Variants in CHD2 observed in about 807,000 individuals in gnomAD.
CHD2 encodes the protein chromodomain helicase DNA binding protein 2.
CHD2 carries 28 observed loss-of-function variants against 243.9 expected under a neutral mutation model. The ratio of observed to expected loss-of-function variants is 0.11; its 90% confidence interval spans 0.09 to 0.16. CHD2 has a LOEUF of 0.16. CHD2 is among the 10% of genes least tolerant of loss of function. CHD2 has a pLI of 1.00. For missense variants in CHD2, 1,386 were observed against 2,209.8 expected (o/e 0.63, Z 7.47); for synonymous variants, 775 against 779.0 (o/e 0.99, Z 0.09).
intron 20 of CHD2, among the ~76,000 whole-genome samples, chr15:92,975,448 C>T (rs1348155131): frequency 6.6e-6 from 1 of 152,098 alleles, no homozygotes; most frequent in Admixed American, 6.5e-5. Flanking sequence ...TTGGGGGGCA[C>T]ATATAGAAGA....
At chr15:92,999,837 A>G (rs951489758) in intron 31 of CHD2, among the ~76,000 whole-genome samples, 6 of 152,168 alleles carry the variant, frequency 3.9e-5, no homozygotes, top group African/African-American at 1.4e-4. Context: ...AGGTTTTTTA[A>G]TGTTACTATT....
At chr15:92,963,092 C>T (rs1183340137) in intron 16 of CHD2, among the ~76,000 whole-genome samples, 1 of 152,194 alleles carries the variant, frequency 6.6e-6, no homozygotes, top group African/African-American at 2.4e-5. Flanking sequence ...GTCTTATAGA[C>T]AACCTGTACT....
At chr15:92,945,738 A>G in intron 10 of CHD2, 83 bp from the exon 11 acceptor site, 2 of 849,366 alleles carry the variant, frequency 2.4e-6, no homozygotes, top group South Asian at 4.0e-5. Context: ...AGTAGAATAT[A>G]TTTACATTTT....
intron 2 of CHD2, 69 bp from the exon 3 acceptor site, chr15:92,924,252 A>G: frequency 7.2e-7 from 1 of 1,383,298 alleles, no homozygotes; most frequent in Non-Finnish European, 1.0e-6. Flanking sequence ...TACCATGAGA[A>G]TTTTTTTTTA....
chr15:93,017,571 T>C (rs66726419), intron 37 of CHD2, among the ~76,000 whole-genome samples: 25,485 of 144,510 alleles, frequency 0.18, 2,883 homozygotes, highest in Non-Finnish European at 0.25. Flanking sequence ...GGTCTTGAAC[T>C]CCTGACCTCA....
chr15:92,994,904 T>TCCTGTAATAGAGGTGTGAGGAAATA (rs1257173160), intron 28 of CHD2, among the ~76,000 whole-genome samples: 3 of 152,220 alleles, frequency 2.0e-5, no homozygotes, highest in Non-Finnish European at 4.4e-5. Context: ...CACCTGTATT[T>TCCTGTAATAGAGGTGTGAGGAAATA]CCTGTAAACT....
At chr15:92,961,574 A>C (rs571787381) in intron 16 of CHD2, among the ~76,000 whole-genome samples, 10 of 151,820 alleles carry the variant, frequency 6.6e-5, no homozygotes, top group African/African-American at 2.4e-4. Flanking sequence ...TAATTTTTAA[A>C]ATTTATTTTT....
intron 16 of CHD2, among the ~76,000 whole-genome samples, chr15:92,965,565 CAAAAAAAAAAAA>C (rs61447848): frequency 4.4e-4 from 49 of 111,044 alleles, no homozygotes; most frequent in African/African-American, 1.6e-3. Context: ...ACTCTTTCTC[CAAAAAAAAAAAA>C]AAAAAAAAAA....
At position 93,019,784 on chromosome 15, in the gene CHD2, A is replaced by G. The variant is rs183826181; in HGVS notation, c.4907-228A>G. ...CCCTGTCTCTACTAAAAATTCAAAA[A>G]TTGGGCAGGCATGGTGGCGGGTGCC... On this transcript the variant is annotated intron_variant, in intron 37 of 38. Transcript: ENST00000394196. Among the ~76,000 whole-genome samples the G allele has an allele frequency of 2.1e-4, 32 of 152,224 alleles. No individual in the cohort carries two copies. The East Asian group carries it at 5.8e-3, about 28-fold the overall frequency.
chr15:93,015,309 C>T (rs1319259077), intron 37 of CHD2, among the ~76,000 whole-genome samples: 2 of 152,144 alleles, frequency 1.3e-5, no homozygotes, highest in Non-Finnish European at 2.9e-5. Context: ...AAACTCCCGG[C>T]GCCATGTGAT....
At chr15:92,915,171 T>C (rs1224687422) in intron 2 of CHD2, among the ~76,000 whole-genome samples, 2 of 152,118 alleles carry the variant, frequency 1.3e-5, no homozygotes, top group Non-Finnish European at 2.9e-5. Context: ...CACTGCTGAA[T>C]CCTGGGGAGG....
rs2053323642 is a variant in CHD2 at position 92,939,542 on chromosome 15, TGAAGACTTAG to T, written c.552-35_552-26del. 1.9e-6 allele frequency: 3 copies of T among 1,600,802 alleles called. No homozygotes were observed. The African/African-American group carries it at 4.1e-5, about 22-fold the overall frequency. ...ATAAAGTAGACACCAAATGATAAAG[TGAAGACTTAG>T]CCTTTTGTTTCTCTTCTCATTTTAG... On this transcript the variant is annotated intron_variant, in intron 6 of 38. Coordinates refer to ENST00000394196, the MANE Select transcript of CHD2 (RefSeq NM_001271.4).
rs140301248 is a variant in CHD2 at position 92,981,768 on chromosome 15, G to A, written c.3066+311G>A. Among the ~76,000 whole-genome samples, 143 of 152,312 alleles carry A rather than the reference G, an allele frequency of 9.4e-4. 2 individuals are homozygous for A. In the South Asian group the frequency reaches 0.012, roughly 13 times the overall value. ...GGACGTGTGGAGCACTGTGGGACAC[G>A]TCAATAGATCAGATGCCAAAGAGAG... is the stretch of plus-strand genomic sequence containing the variant. On this transcript the variant is annotated intron_variant, in intron 24 of 38. Transcript: ENST00000394196.
chr15:93,004,632 G>C lies in CHD2; in HGVS notation c.4294G>C (p.Ala1432Pro). 6.2e-7 allele frequency: 1 copy of C among 1,612,294 alleles called. No individual in the cohort carries two copies. The highest frequency in any genetic ancestry group is 8.5e-7 in the Non-Finnish European group (1 of 1,178,884). The change falls in exon 34 of 39, where the codon GCC becomes CCC. Residue 1432 changes from alanine (A) to proline (P), a missense_variant. By Grantham distance (27) the Ala-to-Pro change is conservative (BLOSUM62 -1). Transcript: ENST00000394196. ...DKKEKPKSGD[A>P]KSSSKSKRSQ... ...TTTTTAAAAGCCTAAAAGTGGTGAT[G>C]CCAAATCTTCGAGTAAATCAAAGCG...
At chr15:92,961,604 T>A (rs1252202813) in intron 16 of CHD2, among the ~76,000 whole-genome samples, 1 of 151,976 alleles carries the variant, frequency 6.6e-6, no homozygotes, top group African/African-American at 2.4e-5. Flanking sequence ...TAGAGATGGG[T>A]TCTTGCTGAG....
intron 38 of CHD2, among the ~76,000 whole-genome samples, chr15:93,023,518 A>G (rs2054557470): frequency 6.6e-6 from 1 of 152,158 alleles, no homozygotes; most frequent in Non-Finnish European, 1.5e-5. Flanking sequence ...AGTTTTGGAT[A>G]TGTGCCTGGG....
At chr15:92,946,790 AT>A (rs2053475869) in intron 12 of CHD2, 1 of 152,302 alleles carries the variant, frequency 6.6e-6, no homozygotes, top group Non-Finnish European at 1.5e-5. Context: ...GCCCAGTTGC[AT>A]TTAGGCACTT....
intron 2 of CHD2, among the ~76,000 whole-genome samples, chr15:92,906,948 T>A (rs954438116): frequency 6.6e-6 from 1 of 152,178 alleles, no homozygotes; most frequent in Non-Finnish European, 1.5e-5. Context: ...ACAACTTGTT[T>A]TGGAACTTTA....
intron 33 of CHD2, among the ~76,000 whole-genome samples, chr15:93,004,147 C>T (rs1211759529): frequency 1.3e-5 from 2 of 150,472 alleles, no homozygotes; most frequent in Admixed American, 1.3e-4. Context: ...AAAAAAGTAC[C>T]TGAAGTCATT....
Sources: gnomAD v4.1 joint callset for allele counts (sites outside exome capture counted in the v4.1 genomes callset) on GRCh38, gnomAD v4.1.1 for gene constraint, MANE v1.5 for transcripts, NCBI Gene and HGNC (gene_info 2026-07-23, HGNC 2026-07-21) for gene names.